Variants in SMG1 observed in about 807,000 individuals in gnomAD.
The protein encoded by SMG1 is SMG1 nonsense mediated mRNA decay associated PI3K related kinase.
In SMG1, 22 loss-of-function variants were observed where a neutral mutation model predicts 419.9. The ratio of observed to expected loss-of-function variants is 0.05; its 90% CI spans 0.04 to 0.07. The LOEUF (loss-of-function observed/expected upper bound fraction) is 0.07, where lower values mean the gene tolerates loss of function less well. Ranked by LOEUF, SMG1 falls within the 10% of genes least tolerant of loss-of-function variation. The pLI, the probability that SMG1 is intolerant of heterozygous loss-of-function variation, is 1.00. For synonymous variants in SMG1, 1,538 were observed against 1,553.5 expected, an observed-to-expected ratio of 0.99 and a Z score of 0.23; for missense variants, 3,185 against 4,342.0, an observed-to-expected ratio of 0.73 and a Z score of 7.49.
intron 1 of SMG1, among the ~76,000 whole-genome samples, chr16:18,900,465 A>G (rs1411043816): frequency 1.3e-5 from 2 of 152,190 alleles, no homozygotes; most frequent in Non-Finnish European, 2.9e-5. Flanking sequence ...CTTGCAGTCC[A>G]TTCTTGTAAG....
intron 1 of SMG1, among the ~76,000 whole-genome samples, chr16:18,913,963 T>C (rs973717363): frequency 1.3e-5 from 2 of 151,848 alleles, no homozygotes; most frequent in African/African-American, 2.4e-5. Context: ...GGTCGGGAGA[T>C]GAAGAACATC....
rs531215202 is a variant in SMG1, at chr16:18,859,304, C to T, written c.3954-123G>A. ...AGTTAGGGGGCAGTAAGAGGAGCAG[C>T]CTGCTCTATAATAAAATGATATTAG... On this transcript the variant is annotated intron_variant, in intron 27 of 62. Transcript: ENST00000446231. 786 of 681,192 alleles carry T rather than the reference C, an allele frequency of 1.2e-3. 6 individuals are homozygous for T. The African/African-American group carries it at 0.012, about 11-fold the overall frequency. The allele number at this position is 681,192 out of a possible 1,614,324, so 42.2% of individuals were successfully genotyped here. A position where few individuals can be genotyped will look rare whatever the true frequency, so the allele number is the denominator to read the frequency against.
rs779475230 is a variant in SMG1, at chr16:18,847,828, G to A, written c.5829C>T (p.Thr1943=). 6.2e-7 allele frequency: 1 copy of A among 1,613,842 alleles called. No homozygotes were observed. ...IVDKLSSANP[T]MVLQVQMLVA... ...AGTTTCTTTGTACCTGTAATACCATGGTGGGGTTTGCAGAGGACAGCTTAT... is the reference window on the plus strand; with the variant it reads ...AGTTTCTTTGTACCTGTAATACCATAGTGGGGTTTGCAGAGGACAGCTTAT... Residue 1943 remains threonine, a synonymous_variant, in exon 37 of 63, where the codon ACC becomes ACT. Coordinates refer to ENST00000446231, the MANE Select transcript of SMG1 (RefSeq NM_015092.5).
At chr16:18,897,196 A>G (rs1437357225) in intron 1 of SMG1, among the ~76,000 whole-genome samples, 1 of 152,204 alleles carries the variant, frequency 6.6e-6, no homozygotes, top group Non-Finnish European at 1.5e-5. Context: ...CCATTCAGAA[A>G]TATGAACAAC....
intron 1 of SMG1, among the ~76,000 whole-genome samples, chr16:18,899,495 T>A (rs186277404): frequency 4.0e-4 from 61 of 152,312 alleles, no homozygotes; most frequent in Admixed American, 3.7e-3. Context: ...GTTGTAAGCA[T>A]TCTGAACCTA....
intron 38 of SMG1, 77 bp downstream of exon 38, chr16:18,847,376 T>C (rs1254936331): frequency 1.0e-5 from 15 of 1,500,426 alleles, no homozygotes; most frequent in Non-Finnish European, 1.3e-5. Flanking sequence ...AAAATTAAAA[T>C]AGTAAATTTT....
intron 1 of SMG1, among the ~76,000 whole-genome samples, chr16:18,908,194 A>T (rs2037646297): frequency 6.6e-6 from 1 of 151,736 alleles, no homozygotes; most frequent in South Asian, 2.1e-4. Flanking sequence ...GGTGAAACCC[A>T]GTCTCTACTA....
intron 10 of SMG1, among the ~76,000 whole-genome samples, chr16:18,880,925 G>C (rs1455602788): frequency 6.7e-6 from 1 of 149,270 alleles, no homozygotes; most frequent in African/African-American, 2.5e-5. Context: ...CCAAGAGATA[G>C]AGACTGCACT....
intron 1 of SMG1, among the ~76,000 whole-genome samples, chr16:18,897,362 A>G (rs996096238): frequency 2.0e-5 from 3 of 152,200 alleles, no homozygotes; most frequent in Non-Finnish European, 4.4e-5. Context: ...AGGGTTAATC[A>G]GTCAAAAAAT....
chr16:18,812,633 T>TATATATACACAC (rs377194959), intron 60 of SMG1, among the ~76,000 whole-genome samples: 43,247 of 132,732 alleles, frequency 0.33, 6,546 homozygotes, highest in Middle Eastern at 0.37. Flanking sequence ...TATATACACA[T>TATATATACACAC]ATATATACAC....
intron 8 of SMG1, 186 bp downstream of exon 8, chr16:18,884,904 C>A: frequency 1.7e-6 from 1 of 591,230 alleles, no homozygotes; most frequent in Non-Finnish European, 3.0e-6. Context: ...CTTACTGTAC[C>A]CACCTACTAG....
chr16:18,902,722 G>C (rs2037397746), intron 1 of SMG1, among the ~76,000 whole-genome samples: 2 of 151,312 alleles, frequency 1.3e-5, no homozygotes, highest in African/African-American at 4.9e-5. Context: ...AAAAAAAAGA[G>C]TGGTCTTGGG....
At chr16:18,872,956 C>T (rs1048692938) in intron 13 of SMG1, among the ~76,000 whole-genome samples, 2 of 151,958 alleles carry the variant, frequency 1.3e-5, no homozygotes, top group African/African-American at 2.4e-5. Context: ...GAGTTTGAAA[C>T]CAGCCTGGGC....
rs1189546123 is a variant in SMG1, at chr16:18,849,323, T to C, written c.5517A>G (p.Gln1839=). The change falls in exon 36 of 63, where the codon CAA becomes CAG. Residue 1839 remains glutamine, a synonymous_variant. Coordinates refer to ENST00000446231, the MANE Select transcript of SMG1 (RefSeq NM_015092.5). ...RLNHPEVYVR[Q]SICNLLCRVA... is the part of the protein sequence containing the mutation. ...CACGGCAGAGAAGGTTACAAATACT[T>C]TGGCGCACATACACTTCAGGGTGGT... The C allele has an allele frequency of 2.5e-6, 4 of 1,613,692 alleles. No homozygotes were observed. Among genetic ancestry groups the C allele is most frequent in the South Asian group, 2.2e-5 (2 of 91,082 alleles).
intron 16 of SMG1, 57 bp downstream of exon 16, chr16:18,871,307 A>C: frequency 1.2e-6 from 1 of 820,866 alleles, no homozygotes; most frequent in South Asian, 2.0e-5. Flanking sequence ...CCATTACCAA[A>C]GACCCTTTTA....
intron 25 of SMG1, among the ~76,000 whole-genome samples, chr16:18,861,888 T>C (rs1192627876): frequency 1.3e-5 from 2 of 152,188 alleles, no homozygotes; most frequent in African/African-American, 4.8e-5. Flanking sequence ...CTTTGACTGC[T>C]TTCCTTGAGG....
chr16:18,925,433 G>A (rs945708829), intron 1 of SMG1: 9 of 152,750 alleles, frequency 5.9e-5, no homozygotes, highest in African/African-American at 1.7e-4. Flanking sequence ...ACTAATGAAT[G>A]TTCTGCCTAG....
intron 42 of SMG1, 34 bp from the exon 43 acceptor site, chr16:18,838,723 CA>C: frequency 7.0e-7 from 1 of 1,429,444 alleles, no homozygotes; most frequent in East Asian, 2.3e-5. Context: ...GCAAGTGAAA[CA>C]CCATTAAGAA....
rs376900887 is a variant in SMG1, at chr16:18,849,365, T to C, written c.5475A>G (p.Gln1825=). 1.5e-5 allele frequency: 24 copies of C among 1,611,266 alleles called. No homozygotes were observed. Among genetic ancestry groups the C allele is most frequent in the Non-Finnish European group, 1.8e-5 (21 of 1,178,428 alleles). ...CAGGGTGGTTTAAGCGTGAGAAAAG[T>C]TGCGGAATAATTCCTTCAGGACAAG... ...PTAPWRGIIP[Q]LFSRLNHPEV... is the part of the protein sequence containing the mutation. Residue 1825 remains glutamine (Q), a synonymous_variant, in exon 36 of 63, where the codon CAA becomes CAG. Coordinates refer to ENST00000446231, the MANE Select transcript of SMG1 (RefSeq NM_015092.5).
Sources: allele counts gnomAD v4.1 joint callset (sites outside exome capture counted in the v4.1 genomes callset), GRCh38; gene constraint gnomAD v4.1.1; transcripts MANE v1.5; gene names NCBI Gene and HGNC (gene_info 2026-07-23, HGNC 2026-07-21).